TNIK: variants seen among roughly 807,000 people sequenced by gnomAD.
TNIK encodes TRAF2 and NCK-interacting protein kinase.
In TNIK, 49 loss-of-function variants were observed where a neutral mutation model predicts 191.3. That is an observed-to-expected ratio of 0.26 (90% confidence interval 0.20 to 0.32). TNIK has a LOEUF of 0.32. TNIK is among the 10% of genes least tolerant of loss of function. The probability of loss-of-function intolerance (pLI) is 1.00; values close to 1 mark genes in which losing one functional copy is unlikely to be tolerated. For missense variants in TNIK, 1,155 were observed against 1,702.3 expected (o/e 0.68, Z 5.66); for synonymous variants, 594 against 600.9 (o/e 0.99, Z 0.17).
chr3:171,101,273 T>C (rs1035092050), intron 22 of TNIK, among the ~76,000 whole-genome samples, 176 bp downstream of exon 22: 9 of 152,152 alleles, frequency 5.9e-5, no homozygotes, highest in African/African-American at 2.2e-4. Context: ...TAAGTGATTG[T>C]GTCCATAGAT....
intron 22 of TNIK, among the ~76,000 whole-genome samples, chr3:171,098,052 GA>G (rs1243221822): frequency 6.6e-6 from 1 of 152,204 alleles, no homozygotes; most frequent in Non-Finnish European, 1.5e-5. Context: ...TACCCTACAG[GA>G]GGGAACGCAT....
intron 21 of TNIK, among the ~76,000 whole-genome samples, chr3:171,103,623 G>A (rs532623435): frequency 5.2e-4 from 79 of 152,034 alleles, no homozygotes; most frequent in African/African-American, 1.8e-3. Context: ...CTATATATTA[G>A]GACTGTGTTA....
intron 22 of TNIK, among the ~76,000 whole-genome samples, chr3:171,097,890 T>C (rs956335465): frequency 1.3e-5 from 2 of 152,148 alleles, no homozygotes; most frequent in Non-Finnish European, 2.9e-5. Context: ...AGGAGCTAAC[T>C]GAAAGAGCTC....
At chr3:171,179,009 T>C (rs1736312350) in intron 7 of TNIK, among the ~76,000 whole-genome samples, 1 of 152,132 alleles carries the variant, frequency 6.6e-6, no homozygotes, top group Admixed American at 6.5e-5. Flanking sequence ...GAGGGGGTTT[T>C]CTAGGGGGTC....
intron 1 of TNIK, among the ~76,000 whole-genome samples, chr3:171,381,723 G>A (rs1006548131): frequency 1.3e-5 from 2 of 152,192 alleles, no homozygotes; most frequent in South Asian, 2.1e-4. Flanking sequence ...CCAATGGTAT[G>A]TAAGCAGAAT....
chr3:171,329,000 G>C (rs187567251), intron 2 of TNIK, among the ~76,000 whole-genome samples: 5 of 152,128 alleles, frequency 3.3e-5, no homozygotes, highest in African/African-American at 1.2e-4. Flanking sequence ...ATGTCTGAGA[G>C]ACCTGCTCCT....
At chr3:171,376,592 A>G (rs73046881) in intron 1 of TNIK, among the ~76,000 whole-genome samples, 2 of 152,174 alleles carry the variant, frequency 1.3e-5, no homozygotes, top group Non-Finnish European at 2.9e-5. Flanking sequence ...GACAAGCAGC[A>G]TATGAGAAAA....
intron 18 of TNIK, among the ~76,000 whole-genome samples, chr3:171,115,163 C>A (rs1332849254): frequency 6.6e-6 from 1 of 152,008 alleles, no homozygotes; most frequent in Non-Finnish European, 1.5e-5. Context: ...CTTTGTATTA[C>A]AAAAAAATAA....
At chr3:171,286,733 G>T (rs1751049949) in intron 2 of TNIK, among the ~76,000 whole-genome samples, 1 of 152,178 alleles carries the variant, frequency 6.6e-6, no homozygotes, top group Admixed American at 6.5e-5. Flanking sequence ...TTTAATATTT[G>T]TTCTCAATCA....
chr3:171,447,576 C>T (rs1727666072), intron 1 of TNIK, among the ~76,000 whole-genome samples: 1 of 152,194 alleles, frequency 6.6e-6, no homozygotes, highest in Non-Finnish European at 1.5e-5. Context: ...GTAAGCTCAG[C>T]CACTTAGTAG....
At chr3:171,151,917 C>T (rs778269995) in intron 12 of TNIK, among the ~76,000 whole-genome samples, 1 of 152,210 alleles carries the variant, frequency 6.6e-6, no homozygotes, top group Non-Finnish European at 1.5e-5. Flanking sequence ...ACACCAGCGG[C>T]TTCTCTGGGT....
intron 18 of TNIK, among the ~76,000 whole-genome samples, chr3:171,119,259 G>C (rs1727278050): frequency 6.6e-6 from 1 of 152,188 alleles, no homozygotes; most frequent in Non-Finnish European, 1.5e-5. Context: ...TCTCACACCA[G>C]TGAATGGCGA....
intron 2 of TNIK, among the ~76,000 whole-genome samples, chr3:171,256,089 TC>T (rs1287565775): frequency 6.6e-6 from 1 of 151,612 alleles, no homozygotes; most frequent in Non-Finnish European, 1.5e-5. Flanking sequence ...GGAAAACAGC[TC>T]CCAACAAGGA....
chr3:171,429,524 G>T (rs1725082273), intron 1 of TNIK, among the ~76,000 whole-genome samples: 1 of 152,050 alleles, frequency 6.6e-6, no homozygotes, highest in South Asian at 2.1e-4. Flanking sequence ...GAAATTCTTA[G>T]ATTACCCCAC....
In TNIK at chr3:171,222,923, A is replaced by G. The variant is rs541812032; in HGVS notation, c.180+5242T>C. ...ACTTACGGTCTCCCACCCTTGGTTT[A>G]AAAAAAGAAAAGAAAAGAAAAGAAA... On this transcript the variant is annotated intron_variant, in intron 3 of 32. Transcript: ENST00000436636. Among the ~76,000 whole-genome samples, 3 of 152,124 alleles carry G rather than the reference A, an allele frequency of 2.0e-5. No homozygotes were observed. The South Asian group carries it at 6.2e-4, about 32-fold the overall frequency.
intron 4 of TNIK, among the ~76,000 whole-genome samples, chr3:171,209,400 C>A (rs2108903967): frequency 6.6e-6 from 1 of 152,088 alleles, no homozygotes; most frequent in South Asian, 2.1e-4. Context: ...CTGCTAAATT[C>A]TTTGCTCATT....
At position 171,126,040 on chromosome 3, in the gene TNIK, T is replaced by C; in HGVS notation, c.1885A>G (p.Thr629Ala). ...CGTGGCATCTCCACGCGGTGGGAGG[T>C]CACGTTCAGAGCCTCCTGAAACCCA... ...LSGFQEALNVTSHRVEMPRQN... is the reference protein window; with the variant it reads ...LSGFQEALNVASHRVEMPRQN... Residue 629 changes from threonine to alanine, a missense_variant, in exon 17 of 33, where the codon ACC (threonine) becomes GCC (alanine). Physicochemically the swap from Thr to Ala is moderately conservative, Grantham distance 58. This residue lies in a region of TNIK where 735 missense variants were observed against 848.0 expected (regional missense o/e 0.87). Transcript: ENST00000436636. 6.2e-7 allele frequency: 1 copy of C among 1,613,702 alleles called. No individual in the cohort carries two copies. Among genetic ancestry groups the C allele is most frequent in the East Asian group, 2.2e-5 (1 of 44,872 alleles).
intron 2 of TNIK, 141 bp from the exon 3 acceptor site, chr3:171,228,362 C>A: frequency 1.3e-6 from 1 of 771,424 alleles, no homozygotes; most frequent in Non-Finnish European, 2.1e-6. Flanking sequence ...CACACAGAAA[C>A]ACCATGTCTA....
intron 2 of TNIK, among the ~76,000 whole-genome samples, chr3:171,343,125 C>A (rs185516785): frequency 7.0e-6 from 1 of 141,938 alleles, no homozygotes; most frequent in Admixed American, 6.9e-5. Flanking sequence ...CTAATACAAC[C>A]CTCAAGGTAG....
Sources: allele counts gnomAD v4.1 joint callset (sites outside exome capture counted in the v4.1 genomes callset), GRCh38; gene constraint gnomAD v4.1.1; regional missense constraint gnomAD v4.1.1; transcripts MANE v1.5; gene names NCBI Gene and HGNC (gene_info 2026-07-23, HGNC 2026-07-21).